The following SUGCT variants were observed in gnomAD, a reference collection of about 807,000 sequenced individuals.
SUGCT encodes the protein succinyl-CoA:glutarate-CoA transferase.
A neutral mutation model predicts 55.0 loss-of-function variants in SUGCT; 41 were observed. The observed-to-expected ratio is 0.74, with a 90% confidence interval of 0.58 to 0.97. SUGCT has a LOEUF of 0.97. Among genes scored for constraint, SUGCT ranks in the 50% least tolerant of loss-of-function variants. The probability of loss-of-function intolerance (pLI) is 0.00; values close to 1 mark genes in which losing one functional copy is unlikely to be tolerated. For synonymous variants in SUGCT, 187 were observed against 200.4 expected (o/e 0.93, Z 0.56); for missense variants, 568 against 547.8 (o/e 1.04, Z -0.37).
At chr7:40,840,211 A>G (rs961967121) in intron 13 of SUGCT, among the ~76,000 whole-genome samples, 1 of 152,160 alleles carries the variant, frequency 6.6e-6, no homozygotes, top group Non-Finnish European at 1.5e-5. Flanking sequence ...TGTGAACTCC[A>G]TGGGAGTCAT....
At chr7:40,493,837 G>A (rs1791826895) in intron 11 of SUGCT, among the ~76,000 whole-genome samples, 1 of 152,032 alleles carries the variant, frequency 6.6e-6, no homozygotes, top group African/African-American at 2.4e-5. Flanking sequence ...TTCCACATCC[G>A]ATTTAGATCA....
the SUGCT span, among the ~76,000 whole-genome samples, chr7:40,900,325 G>T: frequency 1.3e-5 from 2 of 152,182 alleles, no homozygotes; most frequent in Non-Finnish European, 2.9e-5. Context: ...TTGATTGCCT[G>T]ACTTCCCGGC....
the SUGCT span, among the ~76,000 whole-genome samples, chr7:40,923,107 G>A: frequency 6.6e-6 from 1 of 152,198 alleles, no homozygotes; most frequent in South Asian, 2.1e-4. Flanking sequence ...AATTGAGGGA[G>A]ACTCCTTAGC....
chr7:40,545,795 G>A (rs938660506), intron 12 of SUGCT, among the ~76,000 whole-genome samples: 4 of 152,158 alleles, frequency 2.6e-5, no homozygotes, highest in African/African-American at 9.7e-5. Flanking sequence ...AGAATCATGG[G>A]TGTGTTCTTT....
intron 9 of SUGCT, among the ~76,000 whole-genome samples, chr7:40,320,084 T>A (rs1256580314): frequency 6.6e-6 from 1 of 151,432 alleles, no homozygotes; most frequent in Non-Finnish European, 1.5e-5. Context: ...CCTAAGGGAT[T>A]AATAGTTACA....
the SUGCT span, among the ~76,000 whole-genome samples, chr7:41,006,452 T>A: frequency 6.6e-6 from 1 of 152,090 alleles, no homozygotes; most frequent in Non-Finnish European, 1.5e-5. Context: ...TTGCCCTTTT[T>A]TTTATAATGG....
At chr7:40,415,999 A>T (rs946241889) in intron 9 of SUGCT, among the ~76,000 whole-genome samples, 1 of 152,034 alleles carries the variant, frequency 6.6e-6, no homozygotes. Context: ...AATGGTTGTG[A>T]TTCTAACTGG....
At chr7:40,689,247 A>G (rs1220416304) in intron 12 of SUGCT, among the ~76,000 whole-genome samples, 1 of 152,206 alleles carries the variant, frequency 6.6e-6, no homozygotes, top group Non-Finnish European at 1.5e-5. Flanking sequence ...GGTGGAGCAG[A>G]CATCTTGTTG....
chr7:40,903,132 A>G, the SUGCT span, among the ~76,000 whole-genome samples: 1 of 151,818 alleles, frequency 6.6e-6, no homozygotes, highest in African/African-American at 2.4e-5. Context: ...CCCGGGTTCA[A>G]GTGATTCTTC....
chr7:40,177,029 A>G (rs75545679), intron 1 of SUGCT, among the ~76,000 whole-genome samples: 5,636 of 151,292 alleles, frequency 0.037, 333 homozygotes, highest in African/African-American at 0.13. Context: ...TGCCCTTTCC[A>G]TCCTTCCAAA....
At chr7:40,355,247 C>T (rs1797834663) in intron 9 of SUGCT, among the ~76,000 whole-genome samples, 1 of 152,162 alleles carries the variant, frequency 6.6e-6, no homozygotes. Context: ...GTGTCCACTC[C>T]CTTTGTATGT....
chr7:40,141,503 G>A (rs1368724794), intron 1 of SUGCT, among the ~76,000 whole-genome samples: 2 of 151,872 alleles, frequency 1.3e-5, no homozygotes, highest in African/African-American at 4.8e-5. Context: ...GCGTGGTGGT[G>A]GGCACCTGTA....
chr7:40,323,401 T>C (rs894440601), intron 9 of SUGCT, among the ~76,000 whole-genome samples: 3 of 152,122 alleles, frequency 2.0e-5, no homozygotes, highest in African/African-American at 7.2e-5. Context: ...AAATGCATTA[T>C]TATCATTATT....
intron 12 of SUGCT, among the ~76,000 whole-genome samples, chr7:40,552,011 C>A (rs1315864112): frequency 1.3e-5 from 2 of 152,134 alleles, no homozygotes; most frequent in African/African-American, 4.8e-5. Context: ...TTAAGGATCC[C>A]GATTTTCTAG....
chr7:40,246,679 C>T (rs1789903867), intron 7 of SUGCT, among the ~76,000 whole-genome samples: 1 of 151,194 alleles, frequency 6.6e-6, no homozygotes, highest in Non-Finnish European at 1.5e-5. Flanking sequence ...TCACTGCAAC[C>T]TCTGCCTCCA....
chr7:40,563,519 A>C (rs534894257), intron 12 of SUGCT, among the ~76,000 whole-genome samples: 2 of 150,222 alleles, frequency 1.3e-5, no homozygotes, highest in South Asian at 2.1e-4. Context: ...CAGCCTGGAC[A>C]ACATAGTGAG....
intron 13 of SUGCT, among the ~76,000 whole-genome samples, chr7:40,755,452 C>A (rs543169818): frequency 1.3e-5 from 2 of 152,170 alleles, no homozygotes; most frequent in African/African-American, 2.4e-5. Flanking sequence ...GTAAATTTCA[C>A]CTTATTTGTG....
chr7:40,280,894 C>T (rs6960480), intron 8 of SUGCT, among the ~76,000 whole-genome samples: 96,553 of 151,894 alleles, frequency 0.64, 31,020 homozygotes, highest in Non-Finnish European at 0.7. Context: ...CGGGTCTTGC[C>T]GATGAGGCTA....
rs541008089 is a variant in SUGCT, at chr7:40,146,222, A to G, written c.100+11102A>G. On this transcript the variant is annotated intron_variant, in intron 1 of 13. Transcript: ENST00000335693. Reference sequence around the variant, plus strand: ...GCAGTTGCCGCTACAGATTGAATGCATTTGGGCCATCCGCAGGTTACTGGG... The same window carrying G: ...GCAGTTGCCGCTACAGATTGAATGCGTTTGGGCCATCCGCAGGTTACTGGG... 6.4e-3 allele frequency among the ~76,000 whole-genome samples: 978 copies of G among 152,036 alleles called. 7 individuals are homozygous for G. Among genetic ancestry groups the G allele is most frequent in the Non-Finnish European group, 9.0e-3 (613 of 67,998 alleles).
Sources: gnomAD v4.1 joint callset for allele counts (sites outside exome capture counted in the v4.1 genomes callset) on GRCh38, gnomAD v4.1.1 for gene constraint, MANE v1.5 for transcripts, NCBI Gene and HGNC (gene_info 2026-07-23, HGNC 2026-07-21) for gene names.